The following LINGO1 variants were observed in gnomAD, a reference collection of about 807,000 sequenced individuals.
LINGO1 encodes the protein leucine rich repeat and Ig domain containing 1, also known as leucine-rich repeat and immunoglobulin-like domain-containing nogo receptor-interacting protein 1.
In LINGO1, 11 loss-of-function variants were observed where a neutral mutation model predicts 37.3. The ratio of observed to expected loss-of-function variants is 0.29; its 90% CI spans 0.19 to 0.49. LINGO1 has a LOEUF of 0.49. Ranked by LOEUF, LINGO1 falls within the 20% of genes least tolerant of loss-of-function variation. LINGO1 has a pLI of 0.99. For synonymous variants in LINGO1, 387 were observed against 403.0 expected, an observed-to-expected ratio of 0.96 and a Z score of 0.48; for missense variants, 585 against 878.2, an observed-to-expected ratio of 0.67 and a Z score of 4.22.
intron 1 of LINGO1, among the ~76,000 whole-genome samples, chr15:77,801,814 C>G (rs2076921422): frequency 6.6e-6 from 1 of 152,136 alleles, no homozygotes; most frequent in South Asian, 2.1e-4. Flanking sequence ...CTCCCCCAGG[C>G]CAAGGTCGAC....
At chr15:77,617,822 A>G (rs1286124605) in intron 1 of LINGO1, among the ~76,000 whole-genome samples, 2 of 152,224 alleles carry the variant, frequency 1.3e-5, no homozygotes, top group Non-Finnish European at 2.9e-5. Context: ...GTGGTTGTTG[A>G]TTGACCAAGT....
chr15:77,769,732 C>T (rs1473479344), intron 1 of LINGO1, among the ~76,000 whole-genome samples: 1 of 152,150 alleles, frequency 6.6e-6, no homozygotes, highest in African/African-American at 2.4e-5. Flanking sequence ...CACCTCATGC[C>T]CCAACCCCAC....
intron 1 of LINGO1, among the ~76,000 whole-genome samples, chr15:77,763,973 G>A (rs1242163741): frequency 1.3e-5 from 2 of 152,178 alleles, no homozygotes; most frequent in Non-Finnish European, 2.9e-5. Context: ...CTCGGCTGGA[G>A]CTGAGCTTGA....
intron 2 of LINGO1, among the ~76,000 whole-genome samples, chr15:77,713,327 C>T (rs1016768562): frequency 2.0e-5 from 3 of 151,692 alleles, no homozygotes; most frequent in African/African-American, 7.3e-5. Context: ...CTCTGCCTGC[C>T]TCGGCCTCCC....
intron 1 of LINGO1, among the ~76,000 whole-genome samples, chr15:77,813,943 C>T (rs981758722): frequency 2.0e-5 from 3 of 152,218 alleles, no homozygotes; most frequent in Non-Finnish European, 4.4e-5. Flanking sequence ...CCAGGGTTGC[C>T]TGGGAGGTGA....
In LINGO1 at chr15:77,793,756, T is replaced by G. The variant is rs556336956; in HGVS notation, c.-343+2183A>C. ...TAATGATGGGAAAATAATCTTGGTATGGGATTAAGTGTAAAAGGCAAGTTA... is the reference window on the plus strand; with the variant it reads ...TAATGATGGGAAAATAATCTTGGTAGGGGATTAAGTGTAAAAGGCAAGTTA... On this transcript the variant is annotated intron_variant, in intron 2 of 5. Transcript: ENST00000562933. 9.2e-5 allele frequency among the ~76,000 whole-genome samples: 14 copies of G among 152,348 alleles called. No homozygotes were observed. In the South Asian group the frequency reaches 2.7e-3, roughly 29 times the overall value.
intron 1 of LINGO1, among the ~76,000 whole-genome samples, chr15:77,739,164 C>G (rs1254683747): frequency 6.6e-6 from 1 of 152,256 alleles, no homozygotes; most frequent in Non-Finnish European, 1.5e-5. Flanking sequence ...GGCCAGGATG[C>G]CTGCCAACAG....
At position 77,701,913 on chromosome 15, in the gene LINGO1, G is replaced by A. The variant is rs79806869; in HGVS notation, c.-194-11012C>T. Among the ~76,000 whole-genome samples the A allele has an allele frequency of 5.3e-3, 812 of 152,224 alleles. 31 individuals are homozygous for A. The East Asian group carries it at 0.097, about 18-fold the overall frequency. On this transcript the variant is annotated intron_variant, in intron 2 of 3. Coordinates refer to the LINGO1 transcript ENST00000561686. ...TATTCCTTTAGAGTAACACACAAACGGACTAAGAGAGCTTGCATGGGGCCA... is the reference window on the plus strand; with the variant it reads ...TATTCCTTTAGAGTAACACACAAACAGACTAAGAGAGCTTGCATGGGGCCA...
intron 2 of LINGO1, among the ~76,000 whole-genome samples, chr15:77,686,226 T>G (rs969960954): frequency 6.6e-6 from 1 of 151,762 alleles, no homozygotes; most frequent in Non-Finnish European, 1.5e-5. Flanking sequence ...CCCTCCTCAC[T>G]CCCCCTGCTC....
intron 2 of LINGO1, among the ~76,000 whole-genome samples, chr15:77,727,252 A>G (rs1008057924): frequency 6.6e-6 from 1 of 152,224 alleles, no homozygotes; most frequent in Non-Finnish European, 1.5e-5. Flanking sequence ...TACATATCAT[A>G]ATTGAAAACA....
chr15:77,770,818 G>A (rs559722186), intron 1 of LINGO1, among the ~76,000 whole-genome samples: 4 of 152,272 alleles, frequency 2.6e-5, no homozygotes, highest in Admixed American at 1.3e-4. Context: ...TCCCAGCCTG[G>A]CCTGGCAGGC....
chr15:77,623,203 G>A (rs2073978860), intron 1 of LINGO1, among the ~76,000 whole-genome samples: 1 of 152,228 alleles, frequency 6.6e-6, no homozygotes, highest in Non-Finnish European at 1.5e-5. Flanking sequence ...GTGAGCTCAG[G>A]CTGAAATACA....
chr15:77,729,099 C>T (rs568938286), intron 2 of LINGO1, among the ~76,000 whole-genome samples: 3 of 152,344 alleles, frequency 2.0e-5, no homozygotes, highest in Admixed American at 1.3e-4. Context: ...CCCACCCAAG[C>T]GCCCAGTTGG....
At chr15:77,736,612 T>A (rs1464188521) in intron 1 of LINGO1, among the ~76,000 whole-genome samples, 1 of 151,894 alleles carries the variant, frequency 6.6e-6, no homozygotes, top group Admixed American at 6.6e-5. Context: ...AAAAAATAAA[T>A]TAATTTAAAA....
chr15:77,674,248 C>T (rs1205842356), intron 3 of LINGO1, among the ~76,000 whole-genome samples: 1 of 152,186 alleles, frequency 6.6e-6, no homozygotes, highest in East Asian at 1.9e-4. Flanking sequence ...ATGTGGAATC[C>T]ATCCACTTCT....
chr15:77,776,926 G>C (rs1384798059), intron 1 of LINGO1, among the ~76,000 whole-genome samples: 2 of 152,206 alleles, frequency 1.3e-5, no homozygotes, highest in African/African-American at 4.8e-5. Flanking sequence ...CTTCTAGGTG[G>C]AAAAGCAGGA....
intron 1 of LINGO1, among the ~76,000 whole-genome samples, chr15:77,761,868 A>T (rs1486759124): frequency 6.6e-6 from 1 of 152,160 alleles, no homozygotes; most frequent in Non-Finnish European, 1.5e-5. Context: ...TGGAGTCTCC[A>T]TCCCTGGCAT....
intron 1 of LINGO1, among the ~76,000 whole-genome samples, chr15:77,781,628 A>G (rs986680106): frequency 1.3e-5 from 2 of 152,136 alleles, no homozygotes; most frequent in African/African-American, 4.8e-5. Flanking sequence ...TCACATCTAC[A>G]TCACACTCCG....
intron 3 of LINGO1, among the ~76,000 whole-genome samples, chr15:77,650,660 G>A (rs1487558598): frequency 6.6e-6 from 1 of 152,198 alleles, no homozygotes; most frequent in Non-Finnish European, 1.5e-5. Flanking sequence ...GCCCAGTAGA[G>A]GGGCTAGGCC....
Sources: allele counts gnomAD v4.1 joint callset (sites outside exome capture counted in the v4.1 genomes callset), GRCh38; gene constraint gnomAD v4.1.1; transcripts MANE v1.5; gene names NCBI Gene and HGNC (gene_info 2026-07-23, HGNC 2026-07-21).